The following PTTG1IP2 variants were observed in gnomAD, a reference collection of about 807,000 sequenced individuals.
The protein encoded by PTTG1IP2 is PTTG1IP family member 2.
chr7:90,502,618 A>G (rs1258860087), intron 6 of PTTG1IP2, among the ~76,000 whole-genome samples: 1 of 152,216 alleles, frequency 6.6e-6, no homozygotes, highest in Non-Finnish European at 1.5e-5. Flanking sequence ...CGAAAACATT[A>G]TTAATCTTTG....
chr7:90,507,022 A>G (rs181393801), intron 6 of PTTG1IP2, among the ~76,000 whole-genome samples: 1 of 152,306 alleles, frequency 6.6e-6, no homozygotes, highest in East Asian at 1.9e-4. Context: ...TTCCTGACCT[A>G]TTGTTTGTAT....
chr7:90,482,920 TTATC>T (rs1797830264), intron 2 of PTTG1IP2, among the ~76,000 whole-genome samples: 1 of 152,150 alleles, frequency 6.6e-6, no homozygotes, highest in African/African-American at 2.4e-5. Context: ...GCAGCCTACT[TTATC>T]TATTGCACAG....
chr7:90,472,316 A>ACACG (rs1797701091), intron 1 of PTTG1IP2, among the ~76,000 whole-genome samples: 1 of 99,006 alleles, frequency 1.0e-5, no homozygotes, highest in Non-Finnish European at 2.2e-5. Context: ...ACACACACAC[A>ACACG]CACACCCCAA....
chr7:90,471,730 A>C (rs186213892), intron 1 of PTTG1IP2, among the ~76,000 whole-genome samples: 258 of 152,328 alleles, frequency 1.7e-3, no homozygotes, highest in African/African-American at 4.7e-3. Context: ...ATCTGGAGAG[A>C]AACAAGTTGA....
At position 90,489,792 on chromosome 7, in the gene PTTG1IP2, A is replaced by G. The variant is rs550143717; in HGVS notation, c.380+828A>G. On this transcript the variant is annotated intron_variant, in intron 4 of 6. Coordinates refer to ENST00000509356, the MANE Select transcript of PTTG1IP2 (RefSeq NM_001365443.2). ...TGCCACTAACCTATATTGCTTGAAAAAGAATTATCAAGTGCCAAGATCAAA... is the reference window on the plus strand; with the variant it reads ...TGCCACTAACCTATATTGCTTGAAAGAGAATTATCAAGTGCCAAGATCAAA... Among the ~76,000 whole-genome samples the G allele has an allele frequency of 6.6e-5, 10 of 152,104 alleles. No individual in the cohort carries two copies. The South Asian group carries it at 2.1e-3, about 32-fold the overall frequency.
chr7:90,484,625 G>C (rs957190874), intron 2 of PTTG1IP2, among the ~76,000 whole-genome samples: 1 of 152,066 alleles, frequency 6.6e-6, no homozygotes, highest in Non-Finnish European at 1.5e-5. Context: ...GTTCTTGGGG[G>C]CAATGTGAAG....
intron 6 of PTTG1IP2, among the ~76,000 whole-genome samples, chr7:90,501,542 C>A (rs867966326): frequency 6.6e-6 from 1 of 152,034 alleles, no homozygotes; most frequent in South Asian, 2.1e-4. Context: ...TGGTGGTGTG[C>A]ACCTGTGGTA....
intron 6 of PTTG1IP2, among the ~76,000 whole-genome samples, chr7:90,505,430 G>T (rs1487076108): frequency 6.6e-6 from 1 of 152,188 alleles, no homozygotes; most frequent in Non-Finnish European, 1.5e-5. Flanking sequence ...TAAAAAGGTA[G>T]AATTAAAGAG....
intron 6 of PTTG1IP2, among the ~76,000 whole-genome samples, chr7:90,497,098 G>A (rs1798000723): frequency 6.6e-6 from 1 of 152,092 alleles, no homozygotes; most frequent in South Asian, 2.1e-4. Context: ...CTTGTTTTGT[G>A]GCCTAACATA....
chr7:90,503,670 G>A (rs1178459988), intron 6 of PTTG1IP2, among the ~76,000 whole-genome samples: 1 of 152,216 alleles, frequency 6.6e-6, no homozygotes, highest in Non-Finnish European at 1.5e-5. Context: ...CAGTGGAGCA[G>A]TCAGAACACA....
At chr7:90,486,227 C>A (rs1797873692) in intron 2 of PTTG1IP2, among the ~76,000 whole-genome samples, 1 of 152,092 alleles carries the variant, frequency 6.6e-6, no homozygotes. Context: ...AGCACAGAGC[C>A]ATGCTACTTA....
intron 1 of PTTG1IP2, among the ~76,000 whole-genome samples, chr7:90,474,994 G>C (rs1797730607): frequency 6.6e-6 from 1 of 152,172 alleles, no homozygotes; most frequent in African/African-American, 2.4e-5. Flanking sequence ...TAGACAGTGA[G>C]ACTCAATGGA....
intron 6 of PTTG1IP2, among the ~76,000 whole-genome samples, chr7:90,500,261 A>G (rs898946800): frequency 5.3e-5 from 8 of 152,100 alleles, no homozygotes; most frequent in African/African-American, 1.9e-4. Context: ...ATCCAAAACT[A>G]CCTTCTATAA....
chr7:90,504,519 GT>G (rs1439571274), intron 6 of PTTG1IP2, among the ~76,000 whole-genome samples: 1 of 152,176 alleles, frequency 6.6e-6, no homozygotes, highest in African/African-American at 2.4e-5. Context: ...CTGTTGTGGT[GT>G]GAAAACAGCT....
chr7:90,512,253 A>G (rs1185207404), intron 6 of PTTG1IP2, among the ~76,000 whole-genome samples: 2 of 152,202 alleles, frequency 1.3e-5, no homozygotes, highest in African/African-American at 2.4e-5. Flanking sequence ...TTATATTCCT[A>G]GGTGGATACA....
intron 2 of PTTG1IP2, among the ~76,000 whole-genome samples, chr7:90,486,832 G>A (rs1431681909): frequency 6.6e-6 from 1 of 152,206 alleles, no homozygotes; most frequent in Non-Finnish European, 1.5e-5. Context: ...AGGTGCATGT[G>A]ATTTTTGAGT....
intron 6 of PTTG1IP2, among the ~76,000 whole-genome samples, chr7:90,503,999 A>C (rs1798094427): frequency 6.6e-6 from 1 of 152,080 alleles, no homozygotes; most frequent in African/African-American, 2.4e-5. Flanking sequence ...TAATTGAAAA[A>C]TGGGATGGTT....
intron 6 of PTTG1IP2, among the ~76,000 whole-genome samples, chr7:90,511,226 T>C (rs1798186492): frequency 6.6e-6 from 1 of 152,182 alleles, no homozygotes; most frequent in African/African-American, 2.4e-5. Context: ...TAAGATATAG[T>C]GCCTGCCATC....
At chr7:90,495,336 A>G (rs1797980943) in intron 6 of PTTG1IP2, among the ~76,000 whole-genome samples, 1 of 152,212 alleles carries the variant, frequency 6.6e-6, no homozygotes, top group South Asian at 2.1e-4. Context: ...GAAGGCACTT[A>G]AAGTTCATCC....
Sources: allele counts gnomAD v4.1 joint callset (sites outside exome capture counted in the v4.1 genomes callset), GRCh38; gene constraint gnomAD v4.1.1; transcripts MANE v1.5; gene names NCBI Gene and HGNC (gene_info 2026-07-23, HGNC 2026-07-21).